Variants in NINL observed in about 807,000 individuals in gnomAD.
The protein encoded by NINL is ninein-like protein.
NINL carries 153 observed loss-of-function variants against 160.3 expected under a neutral mutation model. That is an observed-to-expected ratio of 0.95 (90% CI 0.84 to 1.09). The LOEUF (loss-of-function observed/expected upper bound fraction) is 1.09, where lower values mean the gene tolerates loss of function less well. NINL is among the 50% of genes least tolerant of loss of function. The pLI is 0.00. For synonymous variants in NINL, 800 were observed against 734.8 expected, an observed-to-expected ratio of 1.09 and a Z score of -1.43; for missense variants, 1,829 against 1,764.0, an observed-to-expected ratio of 1.04 and a Z score of -0.66.
At chr20:25,585,392 G>T (rs1379289141) in intron 1 of NINL, 63 bp downstream of exon 1, 1 of 152,154 alleles carries the variant, frequency 6.6e-6, no homozygotes, top group African/African-American at 2.4e-5. Context: ...ACGCAGGGGC[G>T]GCCCCGGACT....
In NINL at chr20:25,453,199, G is replaced by A. The variant is rs2090574031; in HGVS notation, c.*252C>T. 8.5e-6 allele frequency: 3 copies of A among 354,750 alleles called. No individual in the cohort carries two copies. Among genetic ancestry groups the A allele is most frequent in the Non-Finnish European group, 1.0e-5 (2 of 198,138 alleles). 22.0% of individuals were successfully genotyped at this position (354,750 alleles called of 1,614,324 possible). On this transcript the variant is annotated 3_prime_UTR_variant, in exon 24 of 24. Coordinates refer to ENST00000278886, the MANE Select transcript of NINL (RefSeq NM_025176.6). Reference sequence around the variant, plus strand: ...TCTGGCTCCAGAGAGTGGCAAAACTGGGAATTTTGCCAAGGGAAATTACTC... The same window carrying A: ...TCTGGCTCCAGAGAGTGGCAAAACTAGGAATTTTGCCAAGGGAAATTACTC...
At chr20:25,579,183 C>T (rs962146020) in intron 1 of NINL, among the ~76,000 whole-genome samples, 6 of 152,124 alleles carry the variant, frequency 3.9e-5, no homozygotes, top group African/African-American at 1.2e-4. Context: ...GGAGGCACAG[C>T]AGGGGACATG....
Position 25,472,197 on chromosome 20 carries a change from T to C in NINL, c.3249-2102A>G, listed in dbSNP as rs1199913466. 2.4e-4 allele frequency among the ~76,000 whole-genome samples: 37 copies of C among 151,624 alleles called. 1 individual carries two copies. Among genetic ancestry groups the C allele is most frequent in the Admixed American group, 2.4e-3 (37 of 15,220 alleles). On this transcript the variant is annotated intron_variant, in intron 17 of 23. Coordinates refer to ENST00000278886, the MANE Select transcript of NINL (RefSeq NM_025176.6). ...GAAAGAGATACTGACCTGGAACACA[T>C]AGGTATGTAAAAAATACCCCAAATG...
chr20:25,570,694 CT>C (rs57981279), intron 1 of NINL, among the ~76,000 whole-genome samples: 19 of 91,012 alleles, frequency 2.1e-4, no homozygotes, highest in African/African-American at 3.6e-4. Flanking sequence ...GGCAAGTAGA[CT>C]TTTTTTTTTT....
intron 22 of NINL, among the ~76,000 whole-genome samples, chr20:25,456,192 G>T (rs544148199): frequency 8.3e-5 from 10 of 120,822 alleles, no homozygotes; most frequent in African/African-American, 3.3e-4. Flanking sequence ...GCTGTGAGCC[G>T]AAATAGCACC....
At chr20:25,488,177 G>T (rs921626742) in intron 13 of NINL, among the ~76,000 whole-genome samples, 1 of 152,240 alleles carries the variant, frequency 6.6e-6, no homozygotes, top group Non-Finnish European at 1.5e-5. Flanking sequence ...GCCCAGCGGG[G>T]CAGGTGAATG....
intron 3 of NINL, 88 bp downstream of exon 3, chr20:25,517,665 A>T: frequency 9.8e-7 from 1 of 1,023,358 alleles, no homozygotes; most frequent in Non-Finnish European, 1.4e-6. Flanking sequence ...TTCAGTTTTC[A>T]GAACTGCTGG....
chr20:25,521,765 C>T (rs746032247), intron 2 of NINL, among the ~76,000 whole-genome samples: 8 of 152,174 alleles, frequency 5.3e-5, no homozygotes, highest in Non-Finnish European at 1.0e-4. Flanking sequence ...TGGGTTTCTA[C>T]CTTGAATGAC....
intron 17 of NINL, among the ~76,000 whole-genome samples, chr20:25,475,759 C>T (rs2063216654): frequency 6.6e-6 from 1 of 152,176 alleles, no homozygotes; most frequent in Non-Finnish European, 1.5e-5. Context: ...ACTTGGGAGG[C>T]TGATGCACAA....
intron 11 of NINL, among the ~76,000 whole-genome samples, chr20:25,490,206 C>T (rs755520440): frequency 2.0e-5 from 3 of 152,246 alleles, no homozygotes; most frequent in Non-Finnish European, 2.9e-5. Flanking sequence ...GCTACCCCAT[C>T]GTCTTCACTT....
Position 25,476,587 on chromosome 20 carries a change from G to A in NINL, c.2704C>T (p.Pro902Ser). 2 of 1,599,066 alleles carry A rather than the reference G, an allele frequency of 1.3e-6. No homozygotes were observed. Among genetic ancestry groups the A allele is most frequent in the Non-Finnish European group, 1.7e-6 (2 of 1,179,602 alleles). The stretch of plus-strand genomic sequence containing the variant: ...TGCATGCGTGACCACCTCTCTGAGG[G>A]GCCGTGGGATGCCGGGGCAGGGGCG... ...APAPAPASHG[P>S]SERWSRMQPC... The change falls in exon 17 of 24, where the codon CCC becomes TCC. Residue 902 changes from proline (P) to serine (S), a missense_variant. Transcript: ENST00000278886.
intron 1 of NINL, among the ~76,000 whole-genome samples, chr20:25,565,731 T>C (rs536953207): frequency 5.0e-4 from 76 of 152,278 alleles, no homozygotes; most frequent in Admixed American, 2.6e-3. Flanking sequence ...CAGATTAGCA[T>C]GGGAGTCTGA....
chr20:25,479,263 C>G (rs1286555568), intron 15 of NINL, 57 bp from the exon 16 acceptor site: 2 of 1,537,440 alleles, frequency 1.3e-6, no homozygotes, highest in Non-Finnish European at 1.8e-6. Context: ...GATCTTGCTG[C>G]TGACGTAACA....
At chr20:25,531,383 T>C (rs995078982) in intron 1 of NINL, among the ~76,000 whole-genome samples, 2 of 152,074 alleles carry the variant, frequency 1.3e-5, no homozygotes, top group Non-Finnish European at 2.9e-5. Context: ...GATGATGAGA[T>C]TAAGAGATTA....
chr20:25,515,204 C>T (rs1191453581), intron 3 of NINL, among the ~76,000 whole-genome samples: 1 of 152,236 alleles, frequency 6.6e-6, no homozygotes, highest in Non-Finnish European at 1.5e-5. Context: ...TGGGAGCCCA[C>T]CCCTTGCATT....
intron 10 of NINL, among the ~76,000 whole-genome samples, chr20:25,492,818 G>C (rs2063670112): frequency 6.6e-6 from 1 of 152,094 alleles, no homozygotes; most frequent in Non-Finnish European, 1.5e-5. Context: ...TGTAAAGAGT[G>C]ATACCCCCGG....
chr20:25,489,250 C>G lies in NINL; in HGVS notation c.1671G>C (p.Lys557Asn). ...FAAVLKEYEL[K>N]CRDLQDRNDE... ...AGACAGAGCAGGCACGTACCCGGCACTTGAGCTCGTATTCCTTCAGGACTG... is the reference window on the plus strand; with the variant it reads ...AGACAGAGCAGGCACGTACCCGGCAGTTGAGCTCGTATTCCTTCAGGACTG... The change falls in exon 13 of 24, where the codon AAG (lysine) becomes AAC (asparagine). Residue 557 changes from lysine to asparagine, a missense_variant. Lys to Asn is a moderately conservative substitution (Grantham distance 94). Coordinates refer to ENST00000278886, the MANE Select transcript of NINL (RefSeq NM_025176.6). 3 of 1,614,174 alleles carry G rather than the reference C, an allele frequency of 1.9e-6. No individual in the cohort carries two copies. The highest frequency in any genetic ancestry group is 2.2e-5 in the East Asian group (1 of 44,878).
Position 25,477,135 on chromosome 20 carries a change from C to A in NINL, c.2202-46G>T, listed in dbSNP as rs6050638. The A allele has an allele frequency of 1.6e-3, 2,440 of 1,500,178 alleles. 33 individuals carry two copies. The African/African-American group carries it at 0.029, about 18-fold the overall frequency. 92.9% of individuals were successfully genotyped at this position (1,500,178 alleles called of 1,614,324 possible). On this transcript the variant is annotated intron_variant, in intron 16 of 23. Transcript: ENST00000278886. ...CACACCACAGCCCTGCCGCCCCCAG[C>A]CCCTCTCTCGGGTTTGAAGTCTGCC...
At chr20:25,579,501 TTATG>T (rs2065150268) in intron 1 of NINL, among the ~76,000 whole-genome samples, 1 of 152,166 alleles carries the variant, frequency 6.6e-6, no homozygotes, top group Non-Finnish European at 1.5e-5. Context: ...ACACGCTACC[TTATG>T]GTGAGGCTCA....
Sources: allele counts gnomAD v4.1 joint callset (sites outside exome capture counted in the v4.1 genomes callset), GRCh38; gene constraint gnomAD v4.1.1; transcripts MANE v1.5; gene names NCBI Gene and HGNC (gene_info 2026-07-23, HGNC 2026-07-21).